Variants in ATP8B4 observed in about 807,000 individuals in gnomAD.
The protein encoded by ATP8B4 is probable phospholipid-transporting ATPase IM.
In ATP8B4, 133 loss-of-function variants were observed where a neutral mutation model predicts 145.6. The ratio of observed to expected loss-of-function variants is 0.91; its 90% CI spans 0.79 to 1.05. The LOEUF is 1.05. Among genes scored for constraint, ATP8B4 ranks in the 50% least tolerant of loss-of-function variants. ATP8B4 has a pLI of 0.00. For synonymous variants in ATP8B4, 507 were observed against 492.9 expected (o/e 1.03, Z -0.38); for missense variants, 1,458 against 1,425.2 (o/e 1.02, Z -0.37).
In ATP8B4 at chr15:50,065,849, C is replaced by A. The variant is rs537058838; in HGVS notation, c.87+8278G>T. On this transcript the variant is annotated intron_variant, in intron 3 of 27. Coordinates refer to ENST00000284509, the MANE Select transcript of ATP8B4 (RefSeq NM_024837.4). ...TTAACTTAAAATTTACTTCTCAAAG[C>A]AGATGGAATGGGAACTAGTTTATGA... 4.0e-5 allele frequency among the ~76,000 whole-genome samples: 6 copies of A among 151,804 alleles called. No individual in the cohort carries two copies. In the South Asian group the frequency reaches 1.2e-3, roughly 31 times the overall value.
chr15:50,100,212 G>C (rs1302678454), intron 2 of ATP8B4, among the ~76,000 whole-genome samples: 1 of 152,082 alleles, frequency 6.6e-6, no homozygotes, highest in Non-Finnish European at 1.5e-5. Flanking sequence ...GCATAGAAAT[G>C]TAAGGGCAAC....
chr15:50,060,884 G>A (rs1255241676), intron 3 of ATP8B4, among the ~76,000 whole-genome samples: 4 of 152,176 alleles, frequency 2.6e-5, no homozygotes, highest in African/African-American at 4.8e-5. Context: ...GAGTATTAAA[G>A]AGCTCTAAGA....
At chr15:50,129,811 G>A (rs754440207) in intron 1 of ATP8B4, among the ~76,000 whole-genome samples, 12 of 151,978 alleles carry the variant, frequency 7.9e-5, no homozygotes, top group Non-Finnish European at 1.6e-4. Flanking sequence ...AGTTGAGCAT[G>A]GTGGCACGTG....
intron 5 of ATP8B4, among the ~76,000 whole-genome samples, chr15:50,039,397 C>T (rs1352324364): frequency 6.7e-6 from 1 of 150,340 alleles, no homozygotes; most frequent in Non-Finnish European, 1.5e-5. Flanking sequence ...TGATTTATGT[C>T]CAAATGGTTG....
At chr15:49,984,870 T>A (rs16963143) in intron 10 of ATP8B4, among the ~76,000 whole-genome samples, 11,127 of 152,146 alleles carry the variant, frequency 0.073, 1,411 homozygotes, top group African/African-American at 0.26. Context: ...CTAGAGACTG[T>A]TTAAATGAAT....
intron 7 of ATP8B4, among the ~76,000 whole-genome samples, chr15:50,006,141 A>C (rs2048281889): frequency 2.0e-5 from 3 of 152,184 alleles, no homozygotes; most frequent in Admixed American, 6.5e-5. Flanking sequence ...ATTGATTACT[A>C]ATATGTACGG....
chr15:49,926,754 A>G (rs1342583688), intron 16 of ATP8B4, among the ~76,000 whole-genome samples: 4 of 152,154 alleles, frequency 2.6e-5, no homozygotes, highest in Admixed American at 2.6e-4. Context: ...AATTTATTGA[A>G]AGCAGAAGCT....
intron 20 of ATP8B4, among the ~76,000 whole-genome samples, chr15:49,905,466 T>G (rs2038504157): frequency 6.7e-6 from 1 of 149,596 alleles, no homozygotes; most frequent in African/African-American, 2.4e-5. Flanking sequence ...AGAACAACTT[T>G]GAGCAATAGC....
chr15:49,890,680 T>G (rs1294157873), intron 23 of ATP8B4, among the ~76,000 whole-genome samples: 1 of 152,238 alleles, frequency 6.6e-6, no homozygotes, highest in East Asian at 1.9e-4. Context: ...TTACAGCATA[T>G]TGTCCTTAGA....
chr15:49,864,746 A>T (rs1295822176), intron 26 of ATP8B4, among the ~76,000 whole-genome samples: 2 of 152,210 alleles, frequency 1.3e-5, no homozygotes, highest in African/African-American at 4.8e-5. Flanking sequence ...CCACATTTGC[A>T]TGAATAATAA....
At chr15:49,988,783 G>T in intron 9 of ATP8B4, among the ~76,000 whole-genome samples, 1 of 152,032 alleles carries the variant, frequency 6.6e-6, no homozygotes, top group East Asian at 1.9e-4. Flanking sequence ...TTCTTAGGGG[G>T]GTCCCCTTTC....
At chr15:50,038,371 T>C (rs1454950927) in intron 6 of ATP8B4, among the ~76,000 whole-genome samples, 1 of 152,236 alleles carries the variant, frequency 6.6e-6, no homozygotes, top group African/African-American at 2.4e-5. Flanking sequence ...TCACTATCAC[T>C]TGATACAGTA....
intron 7 of ATP8B4, chr15:50,009,469 G>A (rs1355499807): frequency 3.5e-6 from 1 of 289,346 alleles, no homozygotes; most frequent in African/African-American, 2.3e-5. Context: ...TTGAGATCCT[G>A]TAGTGGTCTA....
At chr15:50,034,835 G>A (rs148347024) in intron 6 of ATP8B4, among the ~76,000 whole-genome samples, 90 of 152,290 alleles carry the variant, frequency 5.9e-4, no homozygotes, top group African/African-American at 2.1e-3. Flanking sequence ...CTGCCCAGTT[G>A]CTCCCACGGT....
Position 50,083,336 on chromosome 15 carries a change from C to A in ATP8B4, c.29-9151G>T, listed in dbSNP as rs188935000. On this transcript the variant is annotated intron_variant, in intron 2 of 27. Coordinates refer to ENST00000284509, the MANE Select transcript of ATP8B4 (RefSeq NM_024837.4). ...GTTCTTTTCTATCTACATTCTTTTA[C>A]AATTAGATTATCTATAGCAAAAAAA... Among the ~76,000 whole-genome samples the A allele has an allele frequency of 6.3e-3, 847 of 133,896 alleles. 2 individuals are homozygous for A. The highest frequency in any genetic ancestry group is 8.5e-3 in the Non-Finnish European group (549 of 64,722). 87.8% of individuals were successfully genotyped at this position (133,896 alleles called of 152,430 possible).
At chr15:50,030,184 GT>G (rs527254563) in intron 6 of ATP8B4, among the ~76,000 whole-genome samples, 173 of 148,884 alleles carry the variant, frequency 1.2e-3, no homozygotes, top group Middle Eastern at 3.4e-3. Context: ...TGAGGTTTGA[GT>G]TTTTTTTTTC....
At chr15:49,938,208 G>A (rs919508093) in intron 14 of ATP8B4, among the ~76,000 whole-genome samples, 2 of 152,092 alleles carry the variant, frequency 1.3e-5, no homozygotes, top group Non-Finnish European at 2.9e-5. Context: ...TTTACAGGCC[G>A]TGTAGAACTA....
intron 15 of ATP8B4, among the ~76,000 whole-genome samples, chr15:49,932,697 G>A (rs2041376760): frequency 6.6e-6 from 1 of 152,018 alleles, no homozygotes; most frequent in African/African-American, 2.4e-5. Flanking sequence ...TCTGAACCAG[G>A]AGAACTTGAT....
intron 3 of ATP8B4, among the ~76,000 whole-genome samples, chr15:50,063,531 G>A (rs1428804230): frequency 6.6e-6 from 1 of 152,016 alleles, no homozygotes; most frequent in Non-Finnish European, 1.5e-5. Flanking sequence ...CAAGCCCTAT[G>A]ACAAGCAAGA....
Sources: gnomAD v4.1 joint callset for allele counts (sites outside exome capture counted in the v4.1 genomes callset) on GRCh38, gnomAD v4.1.1 for gene constraint, MANE v1.5 for transcripts, NCBI Gene and HGNC (gene_info 2026-07-23, HGNC 2026-07-21) for gene names.